The following SNAP91 variants were observed in gnomAD, a reference collection of about 807,000 sequenced individuals.
SNAP91 encodes synaptosome associated protein 91.
In SNAP91, 27 loss-of-function variants were observed where a neutral mutation model predicts 100.3. The observed-to-expected ratio is 0.27, with a 90% CI of 0.20 to 0.37. The LOEUF is 0.37. SNAP91 is among the 10% of genes least tolerant of loss of function. The pLI is 1.00. For missense variants in SNAP91, 986 were observed against 1,123.7 expected (o/e 0.88, Z 1.75); for synonymous variants, 404 against 398.6 (o/e 1.01, Z -0.16).
chr6:83,576,335 C>T (rs187167413), intron 24 of SNAP91, among the ~76,000 whole-genome samples: 1 of 152,290 alleles, frequency 6.6e-6, no homozygotes, highest in African/African-American at 2.4e-5. Flanking sequence ...AGAAAGGCTG[C>T]TATCTGGGAA....
intron 16 of SNAP91, among the ~76,000 whole-genome samples, chr6:83,596,984 G>A (rs151102855): frequency 0.01 from 1,559 of 152,198 alleles, 21 homozygotes; most frequent in African/African-American, 0.036. Flanking sequence ...GACCCCTTTA[G>A]GTTATCACTT....
chr6:83,655,181 G>A (rs947011130), intron 7 of SNAP91, among the ~76,000 whole-genome samples: 1 of 152,178 alleles, frequency 6.6e-6, no homozygotes, highest in African/African-American at 2.4e-5. Context: ...CCCAAAGACT[G>A]TGCATTTCAG....
intron 8 of SNAP91, among the ~76,000 whole-genome samples, chr6:83,629,403 A>G (rs1453976844): frequency 6.6e-6 from 1 of 151,446 alleles, no homozygotes; most frequent in African/African-American, 2.4e-5. Flanking sequence ...TGTGAAGAAT[A>G]GTGAATTTTG....
chr6:83,617,093 A>AATG, intron 9 of SNAP91, 54 bp from the exon 10 acceptor site: 4 of 1,201,274 alleles, frequency 3.3e-6, no homozygotes, highest in Non-Finnish European at 4.7e-6. Context: ...CAATGTAAAC[A>AATG]CACTGTAATG....
At chr6:83,680,088 C>T (rs1439892618) in intron 2 of SNAP91, among the ~76,000 whole-genome samples, 3 of 152,104 alleles carry the variant, frequency 2.0e-5, no homozygotes, top group Admixed American at 6.6e-5. Context: ...TTTACAGAAC[C>T]TTCTGGGTCA....
At chr6:83,569,723 T>A (rs1202255393) in intron 26 of SNAP91, among the ~76,000 whole-genome samples, 1 of 152,118 alleles carries the variant, frequency 6.6e-6, no homozygotes, top group South Asian at 2.1e-4. Context: ...TGGGGGCAGG[T>A]CTTTCCCATG....
At chr6:83,562,085 T>C (rs537784109) in intron 26 of SNAP91, among the ~76,000 whole-genome samples, 7 of 152,296 alleles carry the variant, frequency 4.6e-5, no homozygotes, top group Admixed American at 3.9e-4. Context: ...GAACTAGATA[T>C]CTTCATTGGT....
At chr6:83,613,544 T>G (rs1427674603) in intron 11 of SNAP91, among the ~76,000 whole-genome samples, 1 of 152,220 alleles carries the variant, frequency 6.6e-6, no homozygotes, top group Non-Finnish European at 1.5e-5. Flanking sequence ...AAAGCACCAT[T>G]AATCACTGAT....
At chr6:83,589,982 A>T (rs562648885) in intron 22 of SNAP91, among the ~76,000 whole-genome samples, 2 of 152,344 alleles carry the variant, frequency 1.3e-5, no homozygotes, top group East Asian at 3.9e-4. Context: ...ATCAAGGTCT[A>T]CATGGCTAGC....
intron 8 of SNAP91, among the ~76,000 whole-genome samples, chr6:83,638,378 G>C (rs1003350164): frequency 6.6e-6 from 1 of 151,726 alleles, no homozygotes; most frequent in Non-Finnish European, 1.5e-5. Flanking sequence ...TCCCTCTCTG[G>C]AATTATCCTT....
chr6:83,583,458 C>G (rs1045467038), intron 22 of SNAP91, among the ~76,000 whole-genome samples: 2 of 152,142 alleles, frequency 1.3e-5, no homozygotes, highest in Admixed American at 6.5e-5. Flanking sequence ...AGTAATCCAA[C>G]CTCAGATTAA....
intron 2 of SNAP91, chr6:83,689,463 C>A (rs1409946640): frequency 6.6e-6 from 1 of 151,822 alleles, no homozygotes. Flanking sequence ...ATAGCTATGA[C>A]AAATGAAATT....
At chr6:83,670,684 TG>T (rs1443555472) in intron 2 of SNAP91, among the ~76,000 whole-genome samples, 3 of 151,966 alleles carry the variant, frequency 2.0e-5, no homozygotes, top group Non-Finnish European at 2.9e-5. Context: ...TTTTTATAAA[TG>T]GCATGAGGTA....
intron 26 of SNAP91, among the ~76,000 whole-genome samples, chr6:83,567,427 G>A (rs1798299425): frequency 6.6e-6 from 1 of 152,106 alleles, no homozygotes; most frequent in Admixed American, 6.5e-5. Flanking sequence ...ATACCATTCA[G>A]GACATAGGCA....
At chr6:83,573,595 A>C (rs368789718) in intron 26 of SNAP91, among the ~76,000 whole-genome samples, 14 of 152,230 alleles carry the variant, frequency 9.2e-5, no homozygotes, top group African/African-American at 3.4e-4. Flanking sequence ...TACTGGTACC[A>C]AAACAGAGAT....
chr6:83,556,289 G>C (rs1166975232), intron 28 of SNAP91, 44 bp from the exon 29 acceptor site: 2 of 689,072 alleles, frequency 2.9e-6, no homozygotes, highest in Non-Finnish European at 4.4e-6. Flanking sequence ...ATAGAAAGCA[G>C]AGAGAGAATG....
At chr6:83,643,094 T>TTG (rs1177635169) in intron 7 of SNAP91, among the ~76,000 whole-genome samples, 9 of 152,218 alleles carry the variant, frequency 5.9e-5, no homozygotes, top group African/African-American at 2.2e-4. Context: ...TATTAGCCCT[T>TTG]TGTCAGATGA....
At chr6:83,678,461 A>G (rs917689502) in intron 2 of SNAP91, among the ~76,000 whole-genome samples, 2 of 152,108 alleles carry the variant, frequency 1.3e-5, no homozygotes, top group Non-Finnish European at 2.9e-5. Context: ...CATAAATGGG[A>G]CTCAAAAAGC....
At chr6:83,693,122 A>G (rs2099152606) in intron 2 of SNAP91, among the ~76,000 whole-genome samples, 1 of 152,222 alleles carries the variant, frequency 6.6e-6, no homozygotes, top group African/African-American at 2.4e-5. Flanking sequence ...AGAACAAACA[A>G]AAATCACTAT....
Sources: allele counts gnomAD v4.1 joint callset (sites outside exome capture counted in the v4.1 genomes callset), GRCh38; gene constraint gnomAD v4.1.1; transcripts MANE v1.5; gene names NCBI Gene and HGNC (gene_info 2026-07-23, HGNC 2026-07-21).